STAG2: variants seen among roughly 807,000 people sequenced by gnomAD.
STAG2 encodes STAG2 cohesin complex component.
In STAG2, 14 loss-of-function variants were observed where a neutral mutation model predicts 108.1. That is an observed-to-expected ratio of 0.13 (90% CI 0.09 to 0.20). The LOEUF (loss-of-function observed/expected upper bound fraction) is 0.20. STAG2 is among the 10% of genes least tolerant of loss of function. The pLI, the probability that STAG2 is intolerant of heterozygous loss-of-function variation, is 1.00. For missense variants in STAG2, 440 were observed against 940.9 expected (o/e 0.47, Z 6.96); for synonymous variants, 307 against 302.7 (o/e 1.01, Z -0.15).
chrX:124,072,902 TTC>T (rs2058705524), intron 25 of STAG2, among the ~76,000 whole-genome samples: 2 of 92,065 alleles, frequency 2.2e-5, no homozygotes, highest in Non-Finnish European at 4.3e-5. Flanking sequence ...CTTTCTTTCT[TTC>T]TTTTTTTTTT....
chrX:124,079,177 C>T (rs1456799439), intron 27 of STAG2, among the ~76,000 whole-genome samples: 8 of 103,815 alleles, frequency 7.7e-5, no homozygotes, highest in Non-Finnish European at 1.6e-4. Context: ...CTCGCCCTGT[C>T]GCCCAGGCTG....
intron 21 of STAG2, 34 bp from the exon 22 acceptor site, chrX:124,066,141 T>A (rs773049516): frequency 1.0e-6 from 1 of 956,185 alleles, no homozygotes. Flanking sequence ...TAATAAAACT[T>A]AATTTTTTTT....
intron 25 of STAG2, among the ~76,000 whole-genome samples, chrX:124,071,854 A>C (rs774766098): frequency 9.0e-6 from 1 of 111,306 alleles, no homozygotes; most frequent in East Asian, 2.8e-4. Context: ...TAATGTTTAC[A>C]GGAAAAGAAT....
At position 124,005,920 on chromosome X, in the gene STAG2, G is replaced by T. The variant is rs764780336; in HGVS notation, c.-162-15447G>T. 1.8e-3 allele frequency among the ~76,000 whole-genome samples: 202 copies of T among 111,355 alleles called. 1 individual carries two copies. Among genetic ancestry groups the T allele is most frequent in the Middle Eastern group, 4.6e-3 (1 of 218 alleles). On this transcript the variant is annotated intron_variant, in intron 1 of 34. Coordinates refer to ENST00000371145, the MANE Select transcript of STAG2 (RefSeq NM_001042750.2). ...TTCTGGTGGTTTGCTGGCAATCTTT[G>T]GTGTCCTTTGGCTGGTAGAAGCATT...
intron 1 of STAG2, among the ~76,000 whole-genome samples, chrX:123,990,310 G>A (rs1476875254): frequency 1.8e-5 from 2 of 111,764 alleles, no homozygotes; most frequent in Non-Finnish European, 3.8e-5. Context: ...AAGTTACAAA[G>A]TTACGCTCCT....
intron 1 of STAG2, among the ~76,000 whole-genome samples, chrX:124,009,443 G>GTAGGTAGGTAGATAGATAGA (rs1556479689): frequency 7.9e-5 from 5 of 63,594 alleles, no homozygotes; most frequent in East Asian, 5.9e-4. Context: ...AGGTAGGTAG[G>GTAGGTAGGTAGATAGATAGA]TAGATAGATA....
intron 1 of STAG2, among the ~76,000 whole-genome samples, chrX:123,992,657 A>G (rs76578814): frequency 3.7e-5 from 4 of 109,555 alleles, no homozygotes; most frequent in Non-Finnish European, 7.6e-5. Context: ...TCCAACATCA[A>G]CCTCCCAAGT....
At chrX:123,979,542 T>C (rs977708029) in intron 1 of STAG2, among the ~76,000 whole-genome samples, 3 of 111,564 alleles carry the variant, frequency 2.7e-5, no homozygotes, top group African/African-American at 9.8e-5. Context: ...GGGCATTCCT[T>C]AGAAGTGAAA....
chrX:124,051,014 C>T (rs752536203), intron 11 of STAG2, 107 bp from the exon 12 acceptor site: 4 of 464,862 alleles, frequency 8.6e-6, no homozygotes, highest in African/African-American at 5.0e-5. Context: ...TGGTATGAAA[C>T]ATTTAAAATT....
intron 1 of STAG2, among the ~76,000 whole-genome samples, chrX:123,976,036 A>G (rs1439922246): frequency 4.5e-5 from 5 of 112,229 alleles, no homozygotes; most frequent in Admixed American, 9.4e-5. Flanking sequence ...TATAATCCCA[A>G]CACTTTGGGA....
intron 29 of STAG2, among the ~76,000 whole-genome samples, chrX:124,085,189 A>T (rs776111948): frequency 4.5e-5 from 5 of 112,154 alleles, no homozygotes; most frequent in Non-Finnish European, 9.4e-5. Context: ...CTGTACTATG[A>T]TGTTTACAGA....
chrX:124,063,276 A>G (rs2058433900), intron 19 of STAG2, 71 bp downstream of exon 19: 1 of 813,055 alleles, frequency 1.2e-6, no homozygotes, highest in African/African-American at 2.1e-5. Flanking sequence ...GCGTTTGTTT[A>G]TATTTCTTAA....
intron 1 of STAG2, among the ~76,000 whole-genome samples, chrX:123,973,176 T>C (rs1367840367): frequency 9.0e-6 from 1 of 111,645 alleles, no homozygotes; most frequent in Non-Finnish European, 1.9e-5. Flanking sequence ...TCTCAAATTA[T>C]GTACAAACTG....
At chrX:124,028,905 A>G (rs1222783210) in intron 4 of STAG2, among the ~76,000 whole-genome samples, 2 of 101,646 alleles carry the variant, frequency 2.0e-5, no homozygotes, top group Non-Finnish European at 3.9e-5. Context: ...TTCCCATCTC[A>G]ACCTCCGAAA....
intron 1 of STAG2, among the ~76,000 whole-genome samples, chrX:123,972,866 C>CAAAAAAAAAAAAAAAAAA (rs747333406): frequency 1.4e-4 from 3 of 21,927 alleles, no homozygotes; most frequent in African/African-American, 3.8e-4. Context: ...ACCAAAAATA[C>CAAAAAAAAAAAAAAAAAA]AAAAAAAAAA....
At chrX:124,079,341 G>A (rs1376968452) in intron 27 of STAG2, among the ~76,000 whole-genome samples, 3 of 110,840 alleles carry the variant, frequency 2.7e-5, no homozygotes, top group Admixed American at 1.9e-4. Context: ...GGGTTTCACC[G>A]TGTTAGCTAG....
intron 29 of STAG2, 69 bp from the exon 30 acceptor site, chrX:124,086,478 G>C (rs917821739): frequency 3.4e-6 from 3 of 870,763 alleles, no homozygotes; most frequent in Non-Finnish European, 3.3e-6. Context: ...GCCTATGCTC[G>C]CACAACTATG....
intron 6 of STAG2, among the ~76,000 whole-genome samples, 180 bp downstream of exon 6, chrX:124,037,803 C>CA (rs764456732): frequency 1.6e-4 from 18 of 112,413 alleles, no homozygotes; most frequent in Non-Finnish European, 3.2e-4. Flanking sequence ...AGTCTATTGA[C>CA]AAAGTTTTAT....
chrX:124,009,423 G>GA lies in STAG2; in HGVS notation c.-162-11944_-162-11943insA, dbSNP rs2056429576. Among the ~76,000 whole-genome samples the GA allele has an allele frequency of 3.8e-5, 3 of 79,536 alleles. No homozygotes were observed. In the Admixed American group the frequency reaches 5.0e-4, roughly 13 times the overall value. 69.1% of individuals were successfully genotyped at this position (79,536 alleles called of 115,157 possible). On this transcript the variant is annotated intron_variant, in intron 1 of 34. Transcript: ENST00000371145. ...GGTAGGTAGGTAGGTAGGTAGGTAG[G>GA]TAGGTAGGTAGGTAGGTAGGTAGAT... is the stretch of plus-strand genomic sequence containing the variant.
Sources: gnomAD v4.1 joint callset for allele counts (sites outside exome capture counted in the v4.1 genomes callset) on GRCh38, gnomAD v4.1.1 for gene constraint, MANE v1.5 for transcripts, NCBI Gene and HGNC (gene_info 2026-07-23, HGNC 2026-07-21) for gene names.